The following DACH1 variants were observed in gnomAD, a reference collection of about 807,000 sequenced individuals.
DACH1 encodes dachshund family transcription factor 1, also known as dachshund homolog 1.
Under a neutral mutation model 54.2 loss-of-function variants are expected in DACH1, and 12 were observed. The ratio of observed to expected loss-of-function variants is 0.22; its 90% CI spans 0.14 to 0.36. DACH1 has a LOEUF of 0.36. Among genes scored for constraint, DACH1 ranks in the 10% least tolerant of loss-of-function variants. The pLI is 1.00. For missense variants in DACH1, 805 were observed against 929.8 expected, an observed-to-expected ratio of 0.87 and a Z score of 1.75; for synonymous variants, 386 against 366.2, an observed-to-expected ratio of 1.05 and a Z score of -0.62.
At chr13:71,798,503 T>C (rs2138116669) in intron 1 of DACH1, among the ~76,000 whole-genome samples, 1 of 151,880 alleles carries the variant, frequency 6.6e-6, no homozygotes, top group African/African-American at 2.4e-5. Flanking sequence ...CTAATAGAAT[T>C]TCAATGTCTG....
At chr13:71,768,726 T>A (rs1439397266) in intron 1 of DACH1, among the ~76,000 whole-genome samples, 1 of 151,944 alleles carries the variant, frequency 6.6e-6, no homozygotes, top group African/African-American at 2.4e-5. Context: ...GTTTGATAGA[T>A]GTTATACTAA....
chr13:71,837,441 T>A (rs1380109810), intron 1 of DACH1, among the ~76,000 whole-genome samples: 2 of 152,042 alleles, frequency 1.3e-5, no homozygotes, highest in Admixed American at 6.6e-5. Flanking sequence ...GTAGTGAGAG[T>A]GTAACAGACA....
At position 71,689,695 on chromosome 13, in the gene DACH1, A is replaced by G. The variant is rs1392199141; in HGVS notation, c.849-7785T>C. Among the ~76,000 whole-genome samples the G allele has an allele frequency of 2.0e-5, 3 of 152,284 alleles. No individual in the cohort carries two copies. The East Asian group carries it at 5.8e-4, about 29-fold the overall frequency. ...TCCAGCTCAGTTGGAGCTACTACATACTGAATAAGGAATTACCCCCAAAGA... is the reference window on the plus strand; with the variant it reads ...TCCAGCTCAGTTGGAGCTACTACATGCTGAATAAGGAATTACCCCCAAAGA... On this transcript the variant is annotated intron_variant, in intron 1 of 10. Transcript: ENST00000613252.
chr13:71,483,957 C>T (rs1878273107), intron 7 of DACH1, among the ~76,000 whole-genome samples: 1 of 152,190 alleles, frequency 6.6e-6, no homozygotes, highest in African/African-American at 2.4e-5. Context: ...GATGTTTGCA[C>T]AACTCTAAGA....
At chr13:71,492,094 T>C (rs1879027689) in intron 6 of DACH1, among the ~76,000 whole-genome samples, 1 of 152,212 alleles carries the variant, frequency 6.6e-6, no homozygotes, top group Non-Finnish European at 1.5e-5. Context: ...TGTTTTTTTT[T>C]GTTTTCTTAA....
At chr13:71,621,249 G>T (rs1361213364) in intron 3 of DACH1, among the ~76,000 whole-genome samples, 1 of 152,014 alleles carries the variant, frequency 6.6e-6, no homozygotes, top group Non-Finnish European at 1.5e-5. Context: ...GACAGGAATG[G>T]TGATTCAATC....
intron 1 of DACH1, among the ~76,000 whole-genome samples, chr13:71,829,095 A>C (rs561181875): frequency 6.6e-6 from 1 of 152,118 alleles, no homozygotes; most frequent in African/African-American, 2.4e-5. Flanking sequence ...TAAATATTTT[A>C]GTTTAAATTG....
At chr13:71,591,605 CA>C (rs1217156518) in intron 3 of DACH1, among the ~76,000 whole-genome samples, 6 of 152,074 alleles carry the variant, frequency 3.9e-5, no homozygotes, top group Non-Finnish European at 7.4e-5. Flanking sequence ...CTCTGACAAA[CA>C]ACTGTATACT....
At chr13:71,636,556 A>G (rs1192734615) in intron 2 of DACH1, among the ~76,000 whole-genome samples, 4 of 147,558 alleles carry the variant, frequency 2.7e-5, no homozygotes, top group Non-Finnish European at 6.0e-5. Context: ...TAAAAATAAT[A>G]ATAATAATAA....
intron 10 of DACH1, among the ~76,000 whole-genome samples, chr13:71,455,642 C>G (rs190334737): frequency 6.6e-6 from 1 of 152,168 alleles, no homozygotes; most frequent in East Asian, 1.9e-4. Context: ...TTGTTTAGCT[C>G]CCTACTGCTG....
At chr13:71,674,440 TACACACACACACACACACACACACACAC>T (rs57078245) in intron 2 of DACH1, among the ~76,000 whole-genome samples, 37 of 141,136 alleles carry the variant, frequency 2.6e-4, no homozygotes, top group Non-Finnish European at 4.0e-4. Context: ...AGGGAGATTT[TACACACACACACACACACACACACACAC>T]ACACACACAC....
At position 71,654,453 on chromosome 13, in the gene DACH1, A is replaced by ATAAAATAAAG. The variant is rs1566409091; in HGVS notation, c.965-23737_965-23736insCTTTATTTTA. The stretch of plus-strand genomic sequence containing the variant: ...ATAAAATAAAATAAAATAAAATAAA[A>ATAAAATAAAG]TAAAGTAAAATAAAATAAAATAAAA... On this transcript the variant is annotated intron_variant, in intron 2 of 10. Transcript: ENST00000613252. Among the ~76,000 whole-genome samples the ATAAAATAAAG allele has an allele frequency of 2.9e-3, 226 of 78,634 alleles. 1 individual carries two copies. The highest frequency in any genetic ancestry group is 4.7e-3 in the Non-Finnish European group (177 of 37,394). 51.6% of individuals were successfully genotyped at this position (78,634 alleles called of 152,430 possible). A position where few individuals can be genotyped will look rare whatever the true frequency, so the allele number is the denominator to read the frequency against.
intron 6 of DACH1, among the ~76,000 whole-genome samples, chr13:71,498,481 T>C (rs762188343): frequency 7.9e-5 from 12 of 152,158 alleles, no homozygotes; most frequent in Non-Finnish European, 1.8e-4. Flanking sequence ...TACGAGGCAA[T>C]TTCACAGACA....
intron 8 of DACH1, among the ~76,000 whole-genome samples, chr13:71,477,104 A>ATATT (rs1566282945): frequency 2.3e-5 from 1 of 43,254 alleles, no homozygotes; most frequent in African/African-American, 8.6e-5. Flanking sequence ...ATATATATAT[A>ATATT]TTTTTTTTTT....
chr13:71,865,782 A>G, intron 1 of DACH1, 140 bp downstream of exon 1: 2 of 1,255,384 alleles, frequency 1.6e-6, no homozygotes, highest in South Asian at 5.4e-5. Flanking sequence ...AGCCCCGAGC[A>G]GGGAGAGGAG....
chr13:71,464,509 A>T (rs1876379275), intron 10 of DACH1: 1 of 372,370 alleles, frequency 2.7e-6, no homozygotes, highest in South Asian at 2.0e-5. Flanking sequence ...AAGAAGATAA[A>T]TATTTCATTA....
chr13:71,663,083 C>T (rs772701758), intron 2 of DACH1, among the ~76,000 whole-genome samples: 5 of 151,428 alleles, frequency 3.3e-5, no homozygotes, highest in Non-Finnish European at 5.9e-5. Flanking sequence ...TTTTCTGCAA[C>T]AAGAAGATAC....
At chr13:71,603,006 TC>T (rs1874617959) in intron 3 of DACH1, among the ~76,000 whole-genome samples, 1 of 152,014 alleles carries the variant, frequency 6.6e-6, no homozygotes, top group African/African-American at 2.4e-5. Context: ...TACGTTGCTT[TC>T]TTTTTATTCA....
At chr13:71,461,193 T>C (rs1318921213) in intron 10 of DACH1, among the ~76,000 whole-genome samples, 1 of 152,068 alleles carries the variant, frequency 6.6e-6, no homozygotes, top group Non-Finnish European at 1.5e-5. Context: ...TTGCAATATT[T>C]ATACCACTTA....
Sources: allele counts gnomAD v4.1 joint callset (sites outside exome capture counted in the v4.1 genomes callset), GRCh38; gene constraint gnomAD v4.1.1; transcripts MANE v1.5; gene names NCBI Gene and HGNC (gene_info 2026-07-23, HGNC 2026-07-21).